Variants in NME9 observed in about 807,000 individuals in gnomAD.
NME9 encodes the protein thioredoxin domain-containing protein 6.
NME9 carries 48 observed loss-of-function variants against 44.4 expected under a neutral mutation model. That is an observed-to-expected ratio of 1.08 (90% CI 0.86 to 1.37). The LOEUF is 1.37. Among genes scored for constraint, NME9 ranks in the 40% most tolerant of loss-of-function variants. NME9 has a pLI of 0.00. For missense variants in NME9, 325 were observed against 405.2 expected (o/e 0.80, Z 1.70); for synonymous variants, 139 against 147.1 (o/e 0.94, Z 0.40).
chr3:138,270,013 A>ATTTTTT, intron 8 of NME9: 1 of 1,420,992 alleles, frequency 7.0e-7, no homozygotes. Flanking sequence ...TAAAGCTGTG[A>ATTTTTT]TTTTTTTTTT....
intron 2 of NME9, among the ~76,000 whole-genome samples, chr3:138,320,293 C>T (rs773672268): frequency 3.3e-5 from 5 of 152,164 alleles, no homozygotes; most frequent in Non-Finnish European, 7.3e-5. Context: ...CTGCCCCACG[C>T]GACCATGAAG....
chr3:138,314,237 G>A, intron 6 of NME9, 95 bp downstream of exon 6: 1 of 657,192 alleles, frequency 1.5e-6, no homozygotes, highest in Non-Finnish European at 2.6e-6. Context: ...TCATAGTTCA[G>A]ATTGCTCAGT....
In NME9 at chr3:138,329,665, G is replaced by A; in HGVS notation, c.-330C>T. The A allele has an allele frequency of 8.1e-7, 1 of 1,233,626 alleles. No individual in the cohort carries two copies. The highest frequency in any genetic ancestry group is 1.0e-6 in the Non-Finnish European group (1 of 984,894). The allele number at this position is 1,233,626 out of a possible 1,614,324, so 76.4% of individuals were successfully genotyped here. A position where few individuals can be genotyped will look rare whatever the true frequency, so the allele number is the denominator to read the frequency against. ...CCGGAGTCAGTGCGCCGGGCGCGGTGCAGCCTGTCGGGCACAGGGTCGCCA... is the reference window on the plus strand; with the variant it reads ...CCGGAGTCAGTGCGCCGGGCGCGGTACAGCCTGTCGGGCACAGGGTCGCCA... On this transcript the variant is annotated 5_prime_UTR_variant, in exon 1 of 11. Coordinates refer to ENST00000333911, the MANE Select transcript of NME9 (RefSeq NM_001349018.2).
At chr3:138,299,991 G>A (rs139389541), downstream of NME9, among the ~76,000 whole-genome samples, 335 of 152,200 alleles carry the variant, frequency 2.2e-3, no homozygotes, top group African/African-American at 7.4e-3. Flanking sequence ...TCTCCAAGTC[G>A]TTTGCCACTC....
At chr3:138,303,350 A>G in intron 10 of NME9, 157 bp downstream of exon 10, 1 of 528,014 alleles carries the variant, frequency 1.9e-6, no homozygotes, top group African/African-American at 1.9e-5. Flanking sequence ...AGTATTGATA[A>G]TCAAGTTATA....
chr3:138,301,793 G>A (rs1379211560), intron 10 of NME9, 89 bp from the exon 11 acceptor site: 3 of 1,081,098 alleles, frequency 2.8e-6, no homozygotes, highest in Admixed American at 2.0e-5. Flanking sequence ...GAAATAGGAA[G>A]TTAAAGGTCA....
At chr3:138,303,841 C>T (rs980062250) in intron 9 of NME9, among the ~76,000 whole-genome samples, 198 bp from the exon 10 acceptor site, 1 of 152,138 alleles carries the variant, frequency 6.6e-6, no homozygotes, top group Admixed American at 6.5e-5. Context: ...GTGCTGGGCA[C>T]ATAGCTGGGT....
At chr3:138,264,298 A>C (rs2048039284) in intron 8 of NME9, 7 of 975,320 alleles carry the variant, frequency 7.2e-6, no homozygotes, top group Non-Finnish European at 1.1e-5. Flanking sequence ...CTGGTCTAGG[A>C]GTATGTCTGA....
chr3:138,267,369 CA>C lies in NME9; in HGVS notation c.746-4784del, dbSNP rs2048373001. 6 of 563,492 alleles carry C rather than the reference CA, an allele frequency of 1.1e-5. No homozygotes were observed. The South Asian group carries it at 1.5e-4, about 14-fold the overall frequency. 34.9% of individuals were successfully genotyped at this position (563,492 alleles called of 1,614,324 possible). The stretch of plus-strand genomic sequence containing the variant: ...AAACTACTTCGGAATTGTTTGATTG[CA>C]TAGCGGTAGGGGTGTGCAAATAAAT... On this transcript the variant is annotated intron_variant, in intron 8 of 8. Transcript: ENST00000317876.
At chr3:138,326,902 G>T (rs1577221855) in intron 1 of NME9, 1 of 150,288 alleles carries the variant, frequency 6.7e-6, no homozygotes. Context: ...AACACTTTTG[G>T]AGGCCAGGGC....
At chr3:138,329,276 T>C (rs1174941023) in intron 1 of NME9, 27 bp downstream of exon 1, 2 of 1,532,330 alleles carry the variant, frequency 1.3e-6, no homozygotes, top group Non-Finnish European at 1.7e-6. Context: ...AACCCAGAGC[T>C]GGAAGCTAGC....
chr3:138,300,203 C>G (rs903861166), downstream of NME9, among the ~76,000 whole-genome samples: 21 of 152,132 alleles, frequency 1.4e-4, no homozygotes, highest in Non-Finnish European at 7.4e-5. Flanking sequence ...GTGTTTCCAT[C>G]CAGGGGTGGC....
intron 8 of NME9, among the ~76,000 whole-genome samples, chr3:138,270,748 AT>A (rs1168181800): frequency 6.6e-6 from 1 of 152,164 alleles, no homozygotes; most frequent in African/African-American, 2.4e-5. Context: ...ATACTTAATA[AT>A]TTTTTAACAG....
chr3:138,284,381 C>T, intron 8 of NME9: 1 of 1,448,182 alleles, frequency 6.9e-7, no homozygotes, highest in Middle Eastern at 1.7e-4. Flanking sequence ...GACAGCTTGA[C>T]TCTGGGACTT....
chr3:138,267,781 A>C (rs2048409326), intron 8 of NME9, among the ~76,000 whole-genome samples: 1 of 152,174 alleles, frequency 6.6e-6, no homozygotes, highest in African/African-American at 2.4e-5. Context: ...TTAATGAAGA[A>C]GGGGAAAACC....
intron 8 of NME9, chr3:138,289,136 G>C: frequency 1.9e-6 from 3 of 1,602,670 alleles, no homozygotes; most frequent in Non-Finnish European, 2.6e-6. Context: ...AGATTGGTGA[G>C]ATTTGTTTTG....
chr3:138,306,873 A>G (rs1349325323), intron 6 of NME9, among the ~76,000 whole-genome samples: 1 of 152,156 alleles, frequency 6.6e-6, no homozygotes, highest in African/African-American at 2.4e-5. Context: ...GGTATAGGAG[A>G]AAGTGAGAGG....
At chr3:138,264,412 C>CTTTTTTTTT (rs11298899) in intron 8 of NME9, among the ~76,000 whole-genome samples, 2 of 48,646 alleles carry the variant, frequency 4.1e-5, no homozygotes, top group African/African-American at 1.5e-4. Context: ...GATTTTCTTT[C>CTTTTTTTTT]TTTTTTTTTT....
At position 138,306,476 on chromosome 3, in the gene NME9, T is replaced by A. The variant is rs369824774; in HGVS notation, c.465A>T (p.Ser155=). Residue 155 remains serine, a synonymous_variant, in exon 7 of 11, where the codon TCA becomes TCT. Coordinates refer to ENST00000333911, the MANE Select transcript of NME9 (RefSeq NM_001349018.2). ...TGGCCAAGGTACAGGTCCTCTCTGA[T>A]GAAACTAAGCCAAAAAATGGTGCTG... The part of the protein sequence containing the change: ...KNNGEDEDMV[S]SERTCTLAII... The A allele has an allele frequency of 4.4e-6, 7 of 1,603,864 alleles. No individual in the cohort carries two copies. The East Asian group carries it at 1.6e-4, about 36-fold the overall frequency.
Sources: gnomAD v4.1 joint callset for allele counts (sites outside exome capture counted in the v4.1 genomes callset) on GRCh38, gnomAD v4.1.1 for gene constraint, MANE v1.5 for transcripts, NCBI Gene and HGNC (gene_info 2026-07-23, HGNC 2026-07-21) for gene names.